The following BCOR variants were observed in gnomAD, a reference collection of about 807,000 sequenced individuals.
The protein encoded by BCOR is BCL-6 corepressor.
Under a neutral mutation model 86.7 loss-of-function variants are expected in BCOR, and 10 were observed. The ratio of observed to expected loss-of-function variants is 0.12; its 90% CI spans 0.07 to 0.20. The LOEUF (loss-of-function observed/expected upper bound fraction) is 0.20, where lower values mean the gene tolerates loss of function less well. Ranked by LOEUF, BCOR falls within the 10% of genes least tolerant of loss-of-function variation. The pLI is 1.00. For synonymous variants in BCOR, 611 were observed against 609.0 expected (o/e 1.00, Z -0.05); for missense variants, 1,259 against 1,452.1 (o/e 0.87, Z 2.16).
chrX:40,107,307 C>T lies in BCOR; in HGVS notation c.-40-29338G>A, dbSNP rs763265950. ...CGGGCTCAGCCACACTTGGTCGGCA[C>T]GCGGGGCGGGGCGACCCAGCAGAGT... On this transcript the variant is annotated intron_variant, in intron 1 of 14. Coordinates refer to the BCOR transcript ENST00000342274. Among the ~76,000 whole-genome samples, 187 of 111,272 alleles carry T rather than the reference C, an allele frequency of 1.7e-3. 1 individual carries two copies. The highest frequency in any genetic ancestry group is 5.4e-3 in the African/African-American group (165 of 30,602).
At chrX:40,147,790 C>A (rs1282176199) in intron 1 of BCOR, among the ~76,000 whole-genome samples, 1 of 113,048 alleles carries the variant, frequency 8.8e-6, no homozygotes, top group Non-Finnish European at 1.9e-5. Flanking sequence ...CTGGCATAGC[C>A]CCATTCTCAC....
intron 1 of BCOR, among the ~76,000 whole-genome samples, chrX:40,105,970 C>T (rs1367007660): frequency 8.8e-6 from 1 of 113,027 alleles, no homozygotes; most frequent in East Asian, 2.8e-4. Context: ...CACTCATCTC[C>T]CCCTCAGCCC....
intron 1 of BCOR, among the ~76,000 whole-genome samples, chrX:40,087,988 G>C (rs987875629): frequency 2.7e-5 from 3 of 112,186 alleles, no homozygotes; most frequent in African/African-American, 9.7e-5. Flanking sequence ...CGTAGGCCTC[G>C]AGCTATTTCA....
At chrX:40,123,607 C>T (rs759697247) in intron 1 of BCOR, among the ~76,000 whole-genome samples, 3 of 111,209 alleles carry the variant, frequency 2.7e-5, no homozygotes, top group East Asian at 5.7e-4. Flanking sequence ...CCCGCCTCGG[C>T]CTCCCAAAGT....
chrX:40,154,716 G>A lies in BCOR; in HGVS notation c.-41+22291C>T, dbSNP rs191495103. On this transcript the variant is annotated intron_variant, in intron 1 of 14. Coordinates refer to the BCOR transcript ENST00000342274. Reference sequence around the variant, plus strand: ...TGTGTCTGTGTCTGTGCAGAGGAAGGGCAGTGCAGGGAGGGGACCCAGGGC... The same window carrying A: ...TGTGTCTGTGTCTGTGCAGAGGAAGAGCAGTGCAGGGAGGGGACCCAGGGC... 4.6e-3 allele frequency among the ~76,000 whole-genome samples: 514 copies of A among 112,177 alleles called. 2 individuals are homozygous for A. The highest frequency in any genetic ancestry group is 0.016 in the African/African-American group (495 of 30,857).
At chrX:40,146,477 G>T (rs1163613199) in intron 1 of BCOR, 7 of 112,579 alleles carry the variant, frequency 6.2e-5, no homozygotes, top group Non-Finnish European at 1.1e-4. Flanking sequence ...CCTGAGAGCC[G>T]CCGCGCGGTG....
At chrX:40,098,422 GGGC>G (rs909689574), upstream of BCOR, among the ~76,000 whole-genome samples, 1 of 110,951 alleles carries the variant, frequency 9.0e-6, no homozygotes, top group Non-Finnish European at 1.9e-5. Flanking sequence ...AGACCGACTT[GGGC>G]GGCGGCGGCG....
chrX:40,105,848 C>T (rs1231705837), intron 1 of BCOR, among the ~76,000 whole-genome samples: 1 of 112,829 alleles, frequency 8.9e-6, no homozygotes, highest in Non-Finnish European at 1.9e-5. Flanking sequence ...GTCGAAGGGC[C>T]GCCACCCCTG....
chrX:40,154,273 A>G (rs1192976642), intron 1 of BCOR, among the ~76,000 whole-genome samples: 4 of 91,695 alleles, frequency 4.4e-5, no homozygotes, highest in African/African-American at 8.1e-5. Context: ...CTCCCCAGGA[A>G]CCGGGAAGAG....
At chrX:40,134,889 G>A (rs765511293) in intron 1 of BCOR, among the ~76,000 whole-genome samples, 1 of 111,817 alleles carries the variant, frequency 8.9e-6, no homozygotes, top group African/African-American at 3.2e-5. Context: ...CTGGGCAACG[G>A]TGATGAGATT....
chrX:40,135,989 CCT>C (rs35862769), intron 1 of BCOR, among the ~76,000 whole-genome samples: 1,337 of 112,122 alleles, frequency 0.012, 15 homozygotes, highest in African/African-American at 0.039. Context: ...TTCACCTCCC[CCT>C]GTGTCCACAC....
At chrX:40,149,201 C>A (rs1396237124) in intron 1 of BCOR, among the ~76,000 whole-genome samples, 1 of 110,411 alleles carries the variant, frequency 9.1e-6, no homozygotes, top group African/African-American at 3.3e-5. Flanking sequence ...CATCCCCACC[C>A]CCAGCCTCGG....
intron 10 of BCOR, among the ~76,000 whole-genome samples, chrX:40,060,327 T>C (rs777011186): frequency 1.5e-3 from 172 of 112,324 alleles, no homozygotes; most frequent in African/African-American, 5.2e-3. Flanking sequence ...AGGGGAAAAG[T>C]TGTCCTTCCA....
intron 1 of BCOR, among the ~76,000 whole-genome samples, chrX:40,131,093 C>T (rs183102929): frequency 6.9e-4 from 77 of 112,163 alleles, no homozygotes; most frequent in African/African-American, 2.5e-3. Context: ...CTCCAGCTGC[C>T]CCTCAGGCCA....
intron 1 of BCOR, among the ~76,000 whole-genome samples, chrX:40,121,730 T>C (rs1334003084): frequency 8.9e-6 from 1 of 112,079 alleles, no homozygotes; most frequent in South Asian, 3.7e-4. Flanking sequence ...CTTTGAAAAA[T>C]TGAGCTGAGA....
chrX:40,088,602 T>C (rs1220265483), intron 1 of BCOR, among the ~76,000 whole-genome samples: 1 of 112,503 alleles, frequency 8.9e-6, no homozygotes, highest in African/African-American at 3.2e-5. Context: ...GTAGGAAACC[T>C]GATCACAGTA....
At chrX:40,079,276 G>A (rs751406104) in intron 1 of BCOR, among the ~76,000 whole-genome samples, 2 of 112,287 alleles carry the variant, frequency 1.8e-5, no homozygotes, top group Non-Finnish European at 3.8e-5. Flanking sequence ...TTTGTTAGCA[G>A]GAAAAAATAT....
intron 1 of BCOR, among the ~76,000 whole-genome samples, chrX:40,133,139 CTTTTTTTT>C (rs774822335): frequency 9.0e-5 from 9 of 100,274 alleles, no homozygotes; most frequent in Middle Eastern, 5.2e-3. Flanking sequence ...TTCTTTTTTT[CTTTTTTTT>C]TTTTTTTTGA....
intron 1 of BCOR, among the ~76,000 whole-genome samples, chrX:40,086,350 T>C (rs1936357006): frequency 8.9e-6 from 1 of 112,900 alleles, no homozygotes; most frequent in Admixed American, 9.3e-5. Context: ...CTGAAAGTTA[T>C]TTTCACAAAT....
Sources: allele counts gnomAD v4.1 joint callset (sites outside exome capture counted in the v4.1 genomes callset), GRCh38; gene constraint gnomAD v4.1.1; transcripts MANE v1.5; gene names NCBI Gene and HGNC (gene_info 2026-07-23, HGNC 2026-07-21).